Variants in UTS2 observed in about 807,000 individuals in gnomAD.
UTS2 encodes the protein urotensin 2.
In UTS2, 10 loss-of-function variants were observed where a neutral mutation model predicts 12.6. That is an observed-to-expected ratio of 0.80 (90% confidence interval 0.49 to 1.35). The LOEUF (loss-of-function observed/expected upper bound fraction) is 1.35, where lower values mean the gene tolerates loss of function less well. Among genes scored for constraint, UTS2 ranks in the 40% most tolerant of loss-of-function variants. UTS2 has a pLI of 0.00. For synonymous variants in UTS2, 52 were observed against 50.0 expected, an observed-to-expected ratio of 1.04 and a Z score of -0.17; for missense variants, 142 against 143.2, an observed-to-expected ratio of 0.99 and a Z score of 0.04.
chr1:7,855,336 C>A (rs978514270), upstream of UTS2, among the ~76,000 whole-genome samples: 1 of 152,152 alleles, frequency 6.6e-6, no homozygotes, highest in African/African-American at 2.4e-5. Context: ...ATAATCCCAG[C>A]ATTTTGGGAG....
At chr1:7,858,510 T>C (rs201310526), upstream of UTS2, among the ~76,000 whole-genome samples, 1 of 152,236 alleles carries the variant, frequency 6.6e-6, no homozygotes, top group East Asian at 1.9e-4. Context: ...GTTTTAGTTT[T>C]GAAATTAATC....
upstream of UTS2, among the ~76,000 whole-genome samples, chr1:7,854,371 A>C (rs572410763): frequency 6.7e-6 from 1 of 149,988 alleles, no homozygotes; most frequent in East Asian, 2.0e-4. Flanking sequence ...AAGGAGAAAC[A>C]CTGTCTCTAC....
At chr1:7,912,310 C>T in the UTS2 span, among the ~76,000 whole-genome samples, 1 of 152,206 alleles carries the variant, frequency 6.6e-6, no homozygotes, top group South Asian at 2.1e-4. Flanking sequence ...CACCTGCCTC[C>T]ACCAACCAGG....
At chr1:7,851,149 C>T (rs1001808914) in intron 1 of UTS2, among the ~76,000 whole-genome samples, 3 of 152,196 alleles carry the variant, frequency 2.0e-5, no homozygotes, top group African/African-American at 7.2e-5. Flanking sequence ...CTGACACCCG[C>T]GTGATGAGCC....
intron 3 of UTS2, among the ~76,000 whole-genome samples, chr1:7,848,812 C>T (rs2097410643): frequency 1.3e-5 from 2 of 152,156 alleles, no homozygotes; most frequent in African/African-American, 2.4e-5. Context: ...CCACCGCACC[C>T]GGCCTTCTGT....
chr1:7,854,717 A>G (rs753128137), upstream of UTS2, among the ~76,000 whole-genome samples: 4 of 152,144 alleles, frequency 2.6e-5, no homozygotes, highest in Non-Finnish European at 4.4e-5. Flanking sequence ...ATAACAATGT[A>G]TAGTTGAAGA....
the UTS2 span, among the ~76,000 whole-genome samples, chr1:7,873,104 T>G: frequency 6.6e-6 from 1 of 152,214 alleles, no homozygotes; most frequent in Admixed American, 6.5e-5. Flanking sequence ...TTACTAAATA[T>G]TTTAATATTT....
the UTS2 span, among the ~76,000 whole-genome samples, chr1:7,905,435 G>A: frequency 6.6e-6 from 1 of 151,928 alleles, no homozygotes; most frequent in Non-Finnish European, 1.5e-5. Context: ...GTGACGCCGT[G>A]CCAGGCCGTA....
upstream of UTS2, among the ~76,000 whole-genome samples, chr1:7,857,396 T>C (rs1416665356): frequency 6.6e-6 from 1 of 151,484 alleles, no homozygotes; most frequent in Non-Finnish European, 1.5e-5. Context: ...TTGGTAACCA[T>C]TAAAATAGTA....
the UTS2 span, among the ~76,000 whole-genome samples, chr1:7,912,448 C>T: frequency 1.6e-5 from 2 of 123,628 alleles, no homozygotes; most frequent in East Asian, 2.3e-4. Context: ...CACGCAAATC[C>T]CCCTTTTCTT....
At chr1:7,906,805 A>G in the UTS2 span, among the ~76,000 whole-genome samples, 1,640 of 152,288 alleles carry the variant, frequency 0.011, 34 homozygotes, top group African/African-American at 0.037. Context: ...CGAATTCAAA[A>G]TATTGAACAC....
chr1:7,852,015 C>A (rs914763694), intron 1 of UTS2, among the ~76,000 whole-genome samples: 7 of 151,838 alleles, frequency 4.6e-5, no homozygotes, highest in African/African-American at 1.7e-4. Flanking sequence ...GTAGGACAGC[C>A]AATGATCATC....
chr1:7,874,105 A>G, the UTS2 span, among the ~76,000 whole-genome samples: 2 of 152,256 alleles, frequency 1.3e-5, no homozygotes, highest in South Asian at 4.1e-4. Flanking sequence ...GAAACATGCA[A>G]AGAGAATGAT....
At chr1:7,908,431 G>A in the UTS2 span, among the ~76,000 whole-genome samples, 6 of 144,674 alleles carry the variant, frequency 4.1e-5, no homozygotes, top group East Asian at 2.0e-4. Context: ...GCATCGCTCC[G>A]GCCTGGGCGA....
At chr1:7,867,261 G>C in the UTS2 span, among the ~76,000 whole-genome samples, 1 of 152,188 alleles carries the variant, frequency 6.6e-6, no homozygotes, top group Non-Finnish European at 1.5e-5. Context: ...GTTAGATATT[G>C]CCTGGTGTCA....
the UTS2 span, among the ~76,000 whole-genome samples, chr1:7,873,771 T>A: frequency 6.6e-6 from 1 of 152,124 alleles, no homozygotes; most frequent in African/African-American, 2.4e-5. Context: ...TTCCGTAAAC[T>A]TACTTGATAA....
At chr1:7,889,260 C>CAAAAA in the UTS2 span, among the ~76,000 whole-genome samples, 3 of 72,566 alleles carry the variant, frequency 4.1e-5, no homozygotes, top group Admixed American at 3.5e-4. Flanking sequence ...CTCATTTCTA[C>CAAAAA]AAAAAAAAAA....
At chr1:7,856,133 C>T (rs929429804), upstream of UTS2, among the ~76,000 whole-genome samples, 5 of 152,002 alleles carry the variant, frequency 3.3e-5, no homozygotes, top group African/African-American at 9.7e-5. Context: ...ACCTGGCTAT[C>T]GCACTATTTT....
chr1:7,872,995 A>C, the UTS2 span, among the ~76,000 whole-genome samples: 1 of 152,180 alleles, frequency 6.6e-6, no homozygotes. Flanking sequence ...CATTCCAAAA[A>C]TCCTAGGGCC....
Sources: gnomAD v4.1 joint callset for allele counts (sites outside exome capture counted in the v4.1 genomes callset) on GRCh38, gnomAD v4.1.1 for gene constraint, MANE v1.5 for transcripts, NCBI Gene and HGNC (gene_info 2026-07-23, HGNC 2026-07-21) for gene names.